Variants in RBM6 observed in about 807,000 individuals in gnomAD.
RBM6 encodes the protein RNA binding motif protein 6.
Under a neutral mutation model 140.4 loss-of-function variants are expected in RBM6, and 23 were observed. The observed-to-expected ratio is 0.16, with a 90% CI of 0.12 to 0.23. The LOEUF is 0.23. RBM6 is among the 10% of genes least tolerant of loss of function. The probability of loss-of-function intolerance (pLI) is 1.00; values close to 1 mark genes in which losing one functional copy is unlikely to be tolerated. For missense variants in RBM6, 1,139 were observed against 1,386.7 expected, an observed-to-expected ratio of 0.82 and a Z score of 2.84; for synonymous variants, 439 against 475.6, an observed-to-expected ratio of 0.92 and a Z score of 1.00.
chr3:49,962,712 A>G (rs2084337304), intron 2 of RBM6, 27 bp downstream of exon 2: 1 of 1,540,944 alleles, frequency 6.5e-7, no homozygotes. Context: ...GAATATTGAA[A>G]TTGCCAGTAT....
intron 1 of RBM6, among the ~76,000 whole-genome samples, chr3:49,958,459 C>T (rs1025142553): frequency 3.3e-5 from 5 of 152,106 alleles, no homozygotes; most frequent in African/African-American, 1.2e-4. Context: ...ACCTGTAGTC[C>T]CAGCTACTCG....
intron 6 of RBM6, among the ~76,000 whole-genome samples, chr3:50,025,373 A>C (rs2087740024): frequency 6.6e-6 from 1 of 151,578 alleles, no homozygotes. Flanking sequence ...CAGTGAGCTG[A>C]GATCACACCA....
rs148920216 is a variant in RBM6 at position 50,048,275 on chromosome 3, A to G, written c.1588A>G (p.Thr530Ala). The G allele has an allele frequency of 2.1e-4, 343 of 1,613,398 alleles. No homozygotes were observed. Among genetic ancestry groups the G allele is most frequent in the Non-Finnish European group, 2.7e-4 (314 of 1,179,750 alleles). ...TCTAATGATCCAGGACAAAGAAGTT[A>G]CCCTGGAGTATGTATCAAGCCTGGA... ...GTLMIQDKEV[T>A]LEYVSSLDFW... Residue 530 changes from threonine (T) to alanine (A), a missense_variant, in exon 7 of 21, where the codon ACC becomes GCC. Coordinates refer to ENST00000266022, the MANE Select transcript of RBM6 (RefSeq NM_005777.3).
intron 6 of RBM6, among the ~76,000 whole-genome samples, chr3:50,045,166 C>T (rs1309435976): frequency 6.6e-6 from 1 of 152,206 alleles, no homozygotes; most frequent in Non-Finnish European, 1.5e-5. Context: ...AGGTCATCCA[C>T]AGCTACTGGA....
intron 6 of RBM6, among the ~76,000 whole-genome samples, chr3:50,032,361 G>A (rs993622125): frequency 6.6e-6 from 1 of 151,836 alleles, no homozygotes; most frequent in African/African-American, 2.4e-5. Flanking sequence ...GTGCGTGCCT[G>A]TAGTCCAAGC....
intron 6 of RBM6, among the ~76,000 whole-genome samples, chr3:50,040,117 G>T (rs1016530982): frequency 6.6e-6 from 1 of 152,024 alleles, no homozygotes; most frequent in African/African-American, 2.4e-5. Context: ...AGTGAAGTGG[G>T]TGGAATATAT....
At chr3:49,969,768 GTT>G (rs780975972) in intron 3 of RBM6, among the ~76,000 whole-genome samples, 1 of 143,248 alleles carries the variant, frequency 7.0e-6, no homozygotes. Context: ...TGCCTGGCTA[GTT>G]TTTTTTTTTT....
chr3:49,953,455 T>A lies in RBM6; in HGVS notation c.-66-9121T>A, dbSNP rs575700599. Among the ~76,000 whole-genome samples, 10 of 151,682 alleles carry A rather than the reference T, an allele frequency of 6.6e-5. No homozygotes were observed. In the South Asian group the frequency reaches 1.9e-3, roughly 28 times the overall value. Reference sequence around the variant, plus strand: ...GGCTGGTCTCGATCTCTTGACCTCGTGATCTGCCCGCCTTGGCCTCCCAAA... The same window carrying A: ...GGCTGGTCTCGATCTCTTGACCTCGAGATCTGCCCGCCTTGGCCTCCCAAA... On this transcript the variant is annotated intron_variant, in intron 1 of 20. Coordinates refer to ENST00000266022, the MANE Select transcript of RBM6 (RefSeq NM_005777.3).
At chr3:50,028,763 T>C (rs1422739149) in intron 6 of RBM6, among the ~76,000 whole-genome samples, 1 of 152,230 alleles carries the variant, frequency 6.6e-6, no homozygotes, top group African/African-American at 2.4e-5. Flanking sequence ...TGGCAACATA[T>C]GATGAGCTAA....
At chr3:50,013,960 A>G (rs1391539760) in intron 6 of RBM6, among the ~76,000 whole-genome samples, 1 of 152,188 alleles carries the variant, frequency 6.6e-6, no homozygotes. Context: ...TCTAGTGAAT[A>G]GAGCCAGGGA....
chr3:50,039,494 C>G (rs142500164), intron 6 of RBM6, among the ~76,000 whole-genome samples: 31 of 132,160 alleles, frequency 2.3e-4, no homozygotes, highest in Non-Finnish European at 3.9e-4. Flanking sequence ...CCCCCCCCCC[C>G]CCACCCTTGG....
At chr3:50,022,253 G>T (rs190174731) in intron 6 of RBM6, among the ~76,000 whole-genome samples, 2 of 151,842 alleles carry the variant, frequency 1.3e-5, no homozygotes, top group Non-Finnish European at 2.9e-5. Flanking sequence ...CTCTCTAATC[G>T]CCTGTTGTGT....
At chr3:49,941,468 G>A (rs990762401) in intron 1 of RBM6, among the ~76,000 whole-genome samples, 6 of 151,478 alleles carry the variant, frequency 4.0e-5, no homozygotes, top group African/African-American at 1.2e-4. Flanking sequence ...TGGAGAAACC[G>A]CGTCTCTACT....
chr3:50,035,676 C>T (rs1162822387), intron 6 of RBM6, among the ~76,000 whole-genome samples: 4 of 151,130 alleles, frequency 2.6e-5, no homozygotes, highest in South Asian at 2.1e-4. Flanking sequence ...AGCCAGACTC[C>T]GTCTCAAAAA....
intron 3 of RBM6, among the ~76,000 whole-genome samples, chr3:49,970,141 A>G (rs2108640234): frequency 6.6e-6 from 1 of 152,170 alleles, no homozygotes; most frequent in South Asian, 2.1e-4. Context: ...AAGTTTAGGC[A>G]TGTTACCTAG....
intron 19 of RBM6, among the ~76,000 whole-genome samples, chr3:50,074,972 ACT>A (rs2090413702): frequency 6.6e-6 from 1 of 151,354 alleles, no homozygotes; most frequent in African/African-American, 2.4e-5. Context: ...ACACAGTGAA[ACT>A]CTGTCTCTAC....
chr3:49,944,474 CTTTT>C (rs34463596), intron 1 of RBM6, among the ~76,000 whole-genome samples: 6 of 132,280 alleles, frequency 4.5e-5, no homozygotes, highest in Admixed American at 7.7e-5. Context: ...GTACAAATAT[CTTTT>C]TTTTTTTTTT....
chr3:49,994,969 A>G (rs1464894600), intron 5 of RBM6, among the ~76,000 whole-genome samples: 1 of 152,130 alleles, frequency 6.6e-6, no homozygotes, highest in Non-Finnish European at 1.5e-5. Flanking sequence ...TATTATGAAA[A>G]TTGGGCCTGT....
chr3:50,037,724 G>A (rs2088626918), intron 6 of RBM6, among the ~76,000 whole-genome samples: 1 of 151,874 alleles, frequency 6.6e-6, no homozygotes, highest in Non-Finnish European at 1.5e-5. Context: ...GTCTGGTCTC[G>A]AGCTCCTGGG....
Sources: gnomAD v4.1 joint callset for allele counts (sites outside exome capture counted in the v4.1 genomes callset) on GRCh38, gnomAD v4.1.1 for gene constraint, MANE v1.5 for transcripts, NCBI Gene and HGNC (gene_info 2026-07-23, HGNC 2026-07-21) for gene names.